The following TCF20 variants were observed in gnomAD, a reference collection of about 807,000 sequenced individuals.
TCF20 encodes SPRE-binding protein.
A neutral mutation model predicts 148.6 loss-of-function variants in TCF20; 3 were observed. That is an observed-to-expected ratio of 0.02 (90% CI 0.01 to 0.05). The LOEUF is 0.05. TCF20 is among the 10% of genes least tolerant of loss of function. TCF20 has a pLI of 1.00. For synonymous variants in TCF20, 1,049 were observed against 909.5 expected (o/e 1.15, Z -2.76); for missense variants, 2,350 against 2,429.3 (o/e 0.97, Z 0.69).
chr22:42,295,108 G>A (rs986360838), intron 1 of TCF20, among the ~76,000 whole-genome samples: 3 of 152,184 alleles, frequency 2.0e-5, no homozygotes, highest in Non-Finnish European at 4.4e-5. Flanking sequence ...GACAGCGTGG[G>A]GGGCAGGGCA....
At chr22:42,298,344 C>T (rs2147031898) in intron 1 of TCF20, among the ~76,000 whole-genome samples, 1 of 152,352 alleles carries the variant, frequency 6.6e-6, no homozygotes, top group South Asian at 2.1e-4. Flanking sequence ...ACCCAAAGGG[C>T]CGACTGTTGT....
chr22:42,170,966 A>G (rs985400704), intron 3 of TCF20, among the ~76,000 whole-genome samples: 1 of 152,224 alleles, frequency 6.6e-6, no homozygotes, highest in Non-Finnish European at 1.5e-5. Context: ...AGAAGCCTCC[A>G]ACACAAATCA....
intron 3 of TCF20, among the ~76,000 whole-genome samples, chr22:42,178,030 AT>A: frequency 6.6e-6 from 1 of 152,266 alleles, no homozygotes; most frequent in Non-Finnish European, 1.5e-5. Context: ...GATTGAGTTA[AT>A]AATTGATTAT....
chr22:42,191,369 A>C (rs952385406), intron 2 of TCF20, among the ~76,000 whole-genome samples: 1 of 152,122 alleles, frequency 6.6e-6, no homozygotes, highest in African/African-American at 2.4e-5. Context: ...GGCTCACTGA[A>C]ACCTCTACCT....
At chr22:42,181,524 G>A (rs906399093) in intron 2 of TCF20, among the ~76,000 whole-genome samples, 2 of 151,900 alleles carry the variant, frequency 1.3e-5, no homozygotes, top group African/African-American at 4.8e-5. Flanking sequence ...TTAGGAATGG[G>A]TATGGTCAAG....
chr22:42,228,962 G>A (rs1923152286), intron 1 of TCF20, among the ~76,000 whole-genome samples: 3 of 152,232 alleles, frequency 2.0e-5, no homozygotes, highest in Non-Finnish European at 4.4e-5. Context: ...TGTTGTGTCT[G>A]TGTGCACAAG....
chr22:42,210,490 C>T lies in TCF20; in HGVS notation c.4816G>A (p.Glu1606Lys). ...RKTKQAVPIV[E>K]PQEPEIKLKY... ...AGTTTGATCTCAGGTTCTTGGGGTT[C>T]CACAATGGGAACTGCTTGTTTGGTT... The change falls in exon 2 of 6, where the codon GAA becomes AAA. Residue 1606 changes from glutamate to lysine, a missense_variant. Physicochemically the swap from Glu to Lys is moderately conservative, Grantham distance 56 (BLOSUM62 1). Transcript: ENST00000677622. The surrounding 1 kb of genome is among the most constrained non-coding windows in gnomAD (Gnocchi z 4.7). 1.2e-6 allele frequency: 2 copies of T among 1,614,220 alleles called. No individual in the cohort carries two copies. Among genetic ancestry groups the T allele is most frequent in the Middle Eastern group, 1.6e-4 (1 of 6,062 alleles).
intron 1 of TCF20, among the ~76,000 whole-genome samples, chr22:42,264,022 A>C (rs1173023810): frequency 6.6e-6 from 1 of 152,094 alleles, no homozygotes; most frequent in Non-Finnish European, 1.5e-5. Flanking sequence ...AAATTCTATA[A>C]TCAGAGAGTA....
At chr22:42,195,931 C>A (rs1339574532) in intron 2 of TCF20, among the ~76,000 whole-genome samples, 1 of 151,900 alleles carries the variant, frequency 6.6e-6, no homozygotes, top group East Asian at 1.9e-4. Flanking sequence ...GCACTGATCA[C>A]CCCCCATGCC....
chr22:42,296,447 C>T (rs1927238547), intron 1 of TCF20, among the ~76,000 whole-genome samples: 1 of 152,248 alleles, frequency 6.6e-6, no homozygotes, highest in African/African-American at 2.4e-5. Context: ...CCCGGCTCCC[C>T]AAGGGCCATG....
chr22:42,210,802 T>C lies in TCF20; in HGVS notation c.4504A>G (p.Ile1502Val). ...TTGGGGTTTGCCTCAGGGGCCAATA[T>C]GCCCACTGGAGGTACATTCTTTGAG... ...PDSKNVPPVG[I>V]LAPEANPKAE... is the part of the protein sequence containing the mutation. Residue 1502 changes from isoleucine (I) to valine (V), a missense_variant, in exon 2 of 6, where the codon ATA (isoleucine) becomes GTA (valine). Physicochemically the swap from Ile to Val is conservative, Grantham distance 29. This residue lies in a region of TCF20 where 231 missense variants were observed against 213.7 expected (regional missense o/e 1.08). Coordinates refer to ENST00000677622, the MANE Select transcript of TCF20 (RefSeq NM_001378418.1). The surrounding 1 kb of genome is among the most constrained non-coding windows in gnomAD (Gnocchi z 4.7). The C allele has an allele frequency of 6.2e-7, 1 of 1,614,224 alleles. No homozygotes were observed. The highest frequency in any genetic ancestry group is 1.3e-5 in the African/African-American group (1 of 75,058).
chr22:42,230,964 G>A (rs1923346074), intron 1 of TCF20, among the ~76,000 whole-genome samples: 1 of 152,130 alleles, frequency 6.6e-6, no homozygotes, highest in Non-Finnish European at 1.5e-5. Context: ...TTCCAGACCA[G>A]CCTGGCCAAC....
rs1235176943 is a variant in TCF20, at chr22:42,168,605, T to G, written c.*44+4A>C. On this transcript the variant is annotated splice_donor_region_variant and intron_variant, in intron 5 of 5. Coordinates refer to ENST00000677622, the MANE Select transcript of TCF20 (RefSeq NM_001378418.1). ...ATGCAGGGAGCCCGGTGGCCCCGACTCACCTGTGCTTGCTGTCCTTTCCAT... is the reference window on the plus strand; with the variant it reads ...ATGCAGGGAGCCCGGTGGCCCCGACGCACCTGTGCTTGCTGTCCTTTCCAT... The G allele has an allele frequency of 6.4e-6, 10 of 1,562,650 alleles. No individual in the cohort carries two copies. The highest frequency in any genetic ancestry group is 7.8e-6 in the Non-Finnish European group (9 of 1,155,374).
At chr22:42,229,473 T>C (rs147451444) in intron 1 of TCF20, among the ~76,000 whole-genome samples, 3 of 152,270 alleles carry the variant, frequency 2.0e-5, no homozygotes, top group Non-Finnish European at 4.4e-5. Context: ...GGCTGTTTAC[T>C]AGACCTGGGA....
chr22:42,287,177 A>G (rs1041442353), upstream of TCF20, among the ~76,000 whole-genome samples: 23 of 152,138 alleles, frequency 1.5e-4, no homozygotes, highest in African/African-American at 5.6e-4. Context: ...TAGAGAGGAC[A>G]TGTTGCCTCT....
upstream of TCF20, among the ~76,000 whole-genome samples, chr22:42,272,832 C>T (rs1926672586): frequency 6.6e-6 from 1 of 152,190 alleles, no homozygotes; most frequent in African/African-American, 2.4e-5. Context: ...AAGTCACTTC[C>T]CCCTTTGGTT....
chr22:42,268,874 G>A (rs551907670), intron 1 of TCF20, among the ~76,000 whole-genome samples: 14 of 152,222 alleles, frequency 9.2e-5, no homozygotes, highest in South Asian at 2.1e-4. Flanking sequence ...GAGGCTGGAA[G>A]CTTAAAGACA....
rs1269982549 is a variant in TCF20 at position 42,211,629 on chromosome 22, G to C, written c.3677C>G (p.Ala1226Gly). 11 of 1,614,214 alleles carry C rather than the reference G, an allele frequency of 6.8e-6. No homozygotes were observed. Among genetic ancestry groups the C allele is most frequent in the Non-Finnish European group, 8.5e-6 (10 of 1,180,040 alleles). The part of the protein sequence containing the change: ...HETDGHGLAE[A>G]TQSSKPGSVM... ...ACTACCAGGTTTGGATGACTGTGTA[G>C]CCTCAGCTAGTCCATGTCCATCAGT... The change falls in exon 2 of 6, where the codon GCT becomes GGT. Residue 1226 changes from alanine to glycine, a missense_variant. Transcript: ENST00000677622.
At chr22:42,322,453 C>A (rs371659309) in intron 1 of TCF20, among the ~76,000 whole-genome samples, 1 of 151,826 alleles carries the variant, frequency 6.6e-6, no homozygotes, top group Non-Finnish European at 1.5e-5. Context: ...CGAGATCACA[C>A]GTCAGCAGTG....
Sources: gnomAD v4.1 joint callset for allele counts (sites outside exome capture counted in the v4.1 genomes callset) on GRCh38, gnomAD v4.1.1 for gene constraint, gnomAD v4.1.1 regional missense constraint, Gnocchi (gnomAD v3.1) non-coding constraint, MANE v1.5 for transcripts, NCBI Gene and HGNC (gene_info 2026-07-23, HGNC 2026-07-21) for gene names.